The following MEIS2 variants were observed in gnomAD, a reference collection of about 807,000 sequenced individuals.
MEIS2 encodes homeobox protein Meis2.
In MEIS2, 9 loss-of-function variants were observed where a neutral mutation model predicts 58.6. That is an observed-to-expected ratio of 0.15 (90% CI 0.09 to 0.27). The LOEUF (loss-of-function observed/expected upper bound fraction) is 0.27, where lower values mean the gene tolerates loss of function less well. Among genes scored for constraint, MEIS2 ranks in the 10% least tolerant of loss-of-function variants. MEIS2 has a pLI of 1.00. For missense variants in MEIS2, 427 were observed against 635.0 expected (o/e 0.67, Z 3.52); for synonymous variants, 221 against 228.4 (o/e 0.97, Z 0.29).
chr15:37,001,496 C>T (rs2141598185), intron 8 of MEIS2, among the ~76,000 whole-genome samples: 1 of 152,258 alleles, frequency 6.6e-6, no homozygotes, highest in East Asian at 1.9e-4. Flanking sequence ...TAGTCAGGCC[C>T]AAAACCCTAG....
chr15:37,028,935 G>A (rs575477502), intron 8 of MEIS2, among the ~76,000 whole-genome samples: 1 of 147,128 alleles, frequency 6.8e-6, no homozygotes, highest in African/African-American at 2.5e-5. Context: ...GAAATAGGAA[G>A]AACACTCAAG....
chr15:36,916,735 C>T lies in MEIS2; in HGVS notation c.978-20049G>A, dbSNP rs372778677. ...GGTGTAAGCCACTGCGCACAGCCAA[C>T]AAAATTTCCTTTTTTAAGGGGGCTT... On this transcript the variant is annotated intron_variant, in intron 9 of 11. Coordinates refer to ENST00000561208, the MANE Select transcript of MEIS2 (RefSeq NM_170675.5). Among the ~76,000 whole-genome samples the T allele has an allele frequency of 4.6e-5, 7 of 152,274 alleles. No homozygotes were observed. The East Asian group carries it at 5.8e-4, about 13-fold the overall frequency.
intron 8 of MEIS2, among the ~76,000 whole-genome samples, chr15:37,034,314 C>T (rs1285770494): frequency 6.6e-6 from 1 of 152,106 alleles, no homozygotes; most frequent in Non-Finnish European, 1.5e-5. Context: ...GAGGTTCAGC[C>T]AGTACAGAGG....
intron 1 of MEIS2, 116 bp downstream of exon 1, chr15:37,099,339 C>T: frequency 1.3e-6 from 2 of 1,562,604 alleles, no homozygotes; most frequent in African/African-American, 2.8e-5. Context: ...AAAATACTGG[C>T]CGCCATCATC....
In MEIS2 at chr15:36,913,801, T is replaced by C. The variant is rs2057152668; in HGVS notation, c.978-17115A>G. 2.0e-5 allele frequency among the ~76,000 whole-genome samples: 3 copies of C among 151,956 alleles called. No homozygotes were observed. In the South Asian group the frequency reaches 6.2e-4, roughly 32 times the overall value. On this transcript the variant is annotated intron_variant, in intron 9 of 11. Transcript: ENST00000561208. ...AGGTCAGAAGGAAAAAAATACACCC[T>C]GGGGAAAAGAACTCAGACCATGATA...
At chr15:36,912,538 A>G (rs929886798) in intron 9 of MEIS2, among the ~76,000 whole-genome samples, 2 of 152,224 alleles carry the variant, frequency 1.3e-5, no homozygotes, top group African/African-American at 4.8e-5. Context: ...GAAGGAGGCA[A>G]GAAGGTGCAG....
intron 8 of MEIS2, among the ~76,000 whole-genome samples, chr15:36,983,347 T>C (rs2059990909): frequency 6.6e-6 from 1 of 152,142 alleles, no homozygotes; most frequent in Non-Finnish European, 1.5e-5. Context: ...CATAGTTCAA[T>C]TTCACTTTTG....
intron 8 of MEIS2, among the ~76,000 whole-genome samples, chr15:36,974,142 G>A (rs1407091172): frequency 1.3e-5 from 2 of 152,110 alleles, no homozygotes; most frequent in Non-Finnish European, 2.9e-5. Flanking sequence ...ATCCTGTATT[G>A]TGAAATGCCA....
At chr15:37,003,721 G>A (rs542137941) in intron 8 of MEIS2, among the ~76,000 whole-genome samples, 5 of 152,310 alleles carry the variant, frequency 3.3e-5, no homozygotes, top group Admixed American at 3.3e-4. Flanking sequence ...TTTGGGGGTT[G>A]AAATTCTAAC....
intron 8 of MEIS2, among the ~76,000 whole-genome samples, chr15:36,963,186 C>A (rs2059243719): frequency 1.3e-5 from 2 of 152,022 alleles, no homozygotes; most frequent in African/African-American, 4.8e-5. Flanking sequence ...ACCAGCCTGG[C>A]CAACATGGTG....
At chr15:36,894,669 A>C in intron 11 of MEIS2, 1 of 1,409,796 alleles carries the variant, frequency 7.1e-7, no homozygotes, top group Middle Eastern at 1.8e-4. Context: ...AAATAAAATA[A>C]AGTCTCTGAA....
At chr15:36,921,308 C>G (rs563900505) in intron 9 of MEIS2, among the ~76,000 whole-genome samples, 1 of 152,098 alleles carries the variant, frequency 6.6e-6, no homozygotes, top group South Asian at 2.1e-4. Flanking sequence ...AAAGAAAATG[C>G]GAAATGATCA....
intron 8 of MEIS2, among the ~76,000 whole-genome samples, chr15:36,957,118 T>C (rs369635737): frequency 2.0e-5 from 3 of 152,142 alleles, no homozygotes; most frequent in East Asian, 3.9e-4. Flanking sequence ...GCTTTAAGCA[T>C]GCAATGTACA....
chr15:37,063,292 A>C (rs1889480225), intron 7 of MEIS2, among the ~76,000 whole-genome samples: 1 of 152,166 alleles, frequency 6.6e-6, no homozygotes. Flanking sequence ...CAGCCTCCCA[A>C]ATAGATGGGA....
intron 7 of MEIS2, among the ~76,000 whole-genome samples, chr15:37,083,021 C>T (rs1892435087): frequency 6.6e-6 from 1 of 152,134 alleles, no homozygotes; most frequent in Admixed American, 6.5e-5. Flanking sequence ...TTCCCTGGCC[C>T]ACATTCAATA....
chr15:37,035,836 C>G (rs1217094371), intron 8 of MEIS2, among the ~76,000 whole-genome samples: 2 of 152,200 alleles, frequency 1.3e-5, no homozygotes, highest in African/African-American at 4.8e-5. Context: ...GTCCTGGACC[C>G]ATGACACTGT....
chr15:37,007,514 G>A (rs2060965261), intron 8 of MEIS2, among the ~76,000 whole-genome samples: 1 of 152,196 alleles, frequency 6.6e-6, no homozygotes, highest in Admixed American at 6.5e-5. Flanking sequence ...ACAAAGAGCA[G>A]CAGAGACACC....
chr15:37,054,641 A>C (rs1596025637), intron 7 of MEIS2, among the ~76,000 whole-genome samples: 1 of 152,236 alleles, frequency 6.6e-6, no homozygotes, highest in African/African-American at 2.4e-5. Context: ...CTTGTCTCCA[A>C]CTTGTGAGCT....
At chr15:37,083,702 G>T (rs757397137) in intron 7 of MEIS2, 69 bp downstream of exon 7, 19 of 1,299,022 alleles carry the variant, frequency 1.5e-5, no homozygotes, top group Non-Finnish European at 2.1e-5. Flanking sequence ...CAGATGTACT[G>T]ATATCATAAA....
Sources: gnomAD v4.1 joint callset for allele counts (sites outside exome capture counted in the v4.1 genomes callset) on GRCh38, gnomAD v4.1.1 for gene constraint, MANE v1.5 for transcripts, NCBI Gene and HGNC (gene_info 2026-07-23, HGNC 2026-07-21) for gene names.